Variants in KDM4C observed in about 807,000 individuals in gnomAD.
KDM4C encodes the protein lysine-specific demethylase 4C.
A neutral mutation model predicts 129.3 loss-of-function variants in KDM4C; 81 were observed. The ratio of observed to expected loss-of-function variants is 0.63; its 90% CI spans 0.52 to 0.75. The LOEUF (loss-of-function observed/expected upper bound fraction) is 0.75. Among genes scored for constraint, KDM4C ranks in the 30% least tolerant of loss-of-function variants. The pLI, the probability that KDM4C is intolerant of heterozygous loss-of-function variation, is 0.00. For synonymous variants in KDM4C, 573 were observed against 456.1 expected, an observed-to-expected ratio of 1.26 and a Z score of -3.26; for missense variants, 1,457 against 1,304.0, an observed-to-expected ratio of 1.12 and a Z score of -1.81.
chr9:7,128,277 TAA>T (rs576317185), intron 19 of KDM4C, 41 bp downstream of exon 19: 6 of 1,168,352 alleles, frequency 5.1e-6, no homozygotes, highest in South Asian at 4.0e-5. Flanking sequence ...CAGAGTAATT[TAA>T]AAAAAAAAAC....
intron 1 of KDM4C, among the ~76,000 whole-genome samples, chr9:6,774,221 A>T (rs777437586): frequency 1.3e-5 from 2 of 152,134 alleles, no homozygotes; most frequent in Non-Finnish European, 2.9e-5. Context: ...AACAAAATAC[A>T]ATGAAAAAAC....
At chr9:7,153,841 G>A (rs1443535976) in intron 19 of KDM4C, among the ~76,000 whole-genome samples, 1 of 151,018 alleles carries the variant, frequency 6.6e-6, no homozygotes, top group Non-Finnish European at 1.5e-5. Context: ...CTGTTCAGCT[G>A]CAGCTATGGG....
chr9:6,932,692 T>C (rs1823969959), intron 8 of KDM4C, among the ~76,000 whole-genome samples: 1 of 152,206 alleles, frequency 6.6e-6, no homozygotes. Context: ...CCATTTCTAC[T>C]CCTTCATTGG....
At chr9:6,834,005 A>T (rs1488248467) in intron 4 of KDM4C, among the ~76,000 whole-genome samples, 1 of 149,402 alleles carries the variant, frequency 6.7e-6, no homozygotes. Flanking sequence ...TGGTGCCAGG[A>T]CAGAAGTGGC....
At chr9:6,848,860 G>A (rs1838328337) in intron 4 of KDM4C, among the ~76,000 whole-genome samples, 4 of 152,118 alleles carry the variant, frequency 2.6e-5, no homozygotes, top group Admixed American at 2.6e-4. Context: ...GGCATTATGT[G>A]TTTAAATTTT....
chr9:6,979,399 G>A (rs902213088), intron 8 of KDM4C, among the ~76,000 whole-genome samples: 1 of 152,188 alleles, frequency 6.6e-6, no homozygotes, highest in African/African-American at 2.4e-5. Context: ...ATGCAGGAAG[G>A]TGGTGTGGTA....
chr9:7,136,785 T>C (rs1841255386), intron 19 of KDM4C, among the ~76,000 whole-genome samples: 1 of 152,236 alleles, frequency 6.6e-6, no homozygotes, highest in Non-Finnish European at 1.5e-5. Flanking sequence ...TTTGTCACTT[T>C]CTTAATAGTG....
At chr9:6,896,132 G>A (rs1158824707) in intron 8 of KDM4C, among the ~76,000 whole-genome samples, 1 of 152,172 alleles carries the variant, frequency 6.6e-6, no homozygotes, top group Non-Finnish European at 1.5e-5. Context: ...GGAAACTGAT[G>A]TGTAGTGAAT....
At chr9:6,838,773 C>T (rs1836354620) in intron 4 of KDM4C, among the ~76,000 whole-genome samples, 2 of 152,106 alleles carry the variant, frequency 1.3e-5, no homozygotes, top group Non-Finnish European at 2.9e-5. Flanking sequence ...TAGAAAGAAG[C>T]AGCAAAAAAG....
chr9:6,747,430 C>A (rs1007287477), intron 1 of KDM4C, among the ~76,000 whole-genome samples: 3 of 150,738 alleles, frequency 2.0e-5, no homozygotes, highest in Non-Finnish European at 4.4e-5. Context: ...CGCCTGTAGT[C>A]CCAACTACTC....
At chr9:7,043,394 A>G (rs989120663) in intron 15 of KDM4C, among the ~76,000 whole-genome samples, 1 of 152,026 alleles carries the variant, frequency 6.6e-6, no homozygotes, top group Admixed American at 6.6e-5. Context: ...GTAGATTCTT[A>G]AGAAAACTTG....
chr9:6,723,765 G>A (rs2130178683), intron 1 of KDM4C: 1 of 152,222 alleles, frequency 6.6e-6, no homozygotes, highest in Admixed American at 6.5e-5. Context: ...TGACCTACCA[G>A]ATTTCCAACG....
chr9:6,748,775 C>T (rs553263437), intron 1 of KDM4C: 5 of 1,444,996 alleles, frequency 3.5e-6, no homozygotes, highest in Non-Finnish European at 3.9e-6. Flanking sequence ...GTTTTCTTGA[C>T]TTTGTTTTCG....
chr9:6,985,104 C>G (rs1439673899), intron 10 of KDM4C, among the ~76,000 whole-genome samples: 1 of 152,216 alleles, frequency 6.6e-6, no homozygotes, highest in African/African-American at 2.4e-5. Context: ...TTCCTCCTCA[C>G]TCATGGCACC....
intron 4 of KDM4C, among the ~76,000 whole-genome samples, chr9:6,841,119 A>C (rs773406611): frequency 6.6e-6 from 1 of 152,202 alleles, no homozygotes; most frequent in African/African-American, 2.4e-5. Context: ...TCAGATTCTT[A>C]CAGAATCTAG....
At chr9:6,914,231 G>T (rs1819889263) in intron 8 of KDM4C, among the ~76,000 whole-genome samples, 1 of 152,000 alleles carries the variant, frequency 6.6e-6, no homozygotes, top group Non-Finnish European at 1.5e-5. Context: ...AGTTAATATT[G>T]TATTTTTTGT....
chr9:6,857,922 G>GT (rs71487861), intron 5 of KDM4C, among the ~76,000 whole-genome samples: 6,139 of 102,978 alleles, frequency 0.06, 621 homozygotes, highest in African/African-American at 0.21. Context: ...ATCTGGCTAA[G>GT]TTTTTTTTTT....
At chr9:6,977,487 A>C (rs569865560) in intron 8 of KDM4C, among the ~76,000 whole-genome samples, 1 of 152,314 alleles carries the variant, frequency 6.6e-6, no homozygotes, top group East Asian at 1.9e-4. Context: ...GTTGCCATGT[A>C]ATACCAAGCT....
intron 5 of KDM4C, among the ~76,000 whole-genome samples, chr9:6,873,973 G>A (rs1397718988): frequency 9.0e-6 from 1 of 111,116 alleles, no homozygotes; most frequent in Non-Finnish European, 2.2e-5. Context: ...AGAGAGAGAG[G>A]ATCAGCTAGC....
Sources: gnomAD v4.1 joint callset for allele counts (sites outside exome capture counted in the v4.1 genomes callset) on GRCh38, gnomAD v4.1.1 for gene constraint, MANE v1.5 for transcripts, NCBI Gene and HGNC (gene_info 2026-07-23, HGNC 2026-07-21) for gene names.